Variants in KIF17 observed in about 807,000 individuals in gnomAD.
KIF17 encodes kinesin family member 17, also known as kinesin-like protein KIF17.
KIF17 carries 80 observed loss-of-function variants against 96.8 expected under a neutral mutation model. The ratio of observed to expected loss-of-function variants is 0.83; its 90% CI spans 0.69 to 1.00. The LOEUF is 1.00. KIF17 is among the 50% of genes least tolerant of loss of function. The pLI is 0.00. For synonymous variants in KIF17, 567 were observed against 587.5 expected, an observed-to-expected ratio of 0.97 and a Z score of 0.51; for missense variants, 1,280 against 1,372.9, an observed-to-expected ratio of 0.93 and a Z score of 1.07.
intron 3 of KIF17, 116 bp downstream of exon 3, chr1:20,713,338 C>G: frequency 1.4e-6 from 1 of 701,498 alleles, no homozygotes. Flanking sequence ...AAAGTCCCGA[C>G]TCTAGCCTCC....
At chr1:20,670,375 G>A (rs1353542980) in intron 13 of KIF17, 46 bp downstream of exon 13, 1 of 1,571,074 alleles carries the variant, frequency 6.4e-7, no homozygotes, top group Admixed American at 1.7e-5. Context: ...TGGGGGCAAA[G>A]CCCTCCCAGC....
At chr1:20,702,514 A>G (rs1329060795) in intron 5 of KIF17, among the ~76,000 whole-genome samples, 1 of 151,560 alleles carries the variant, frequency 6.6e-6, no homozygotes, top group Middle Eastern at 3.3e-3. Context: ...GGGAAAGAGG[A>G]GGAAGGCAGA....
chr1:20,697,211 A>C (rs2054157954), intron 6 of KIF17, among the ~76,000 whole-genome samples: 1 of 152,200 alleles, frequency 6.6e-6, no homozygotes, highest in South Asian at 2.1e-4. Flanking sequence ...GGGAGGTGGT[A>C]GGTGAGTGGC....
At chr1:20,669,082 A>G (rs2053585942) in intron 13 of KIF17, among the ~76,000 whole-genome samples, 1 of 151,910 alleles carries the variant, frequency 6.6e-6, no homozygotes, top group Non-Finnish European at 1.5e-5. Flanking sequence ...AACAACTTTC[A>G]TATCATTGTT....
Position 20,704,989 on chromosome 1 carries a change from C to A in KIF17, c.671-90G>T, listed in dbSNP as rs551603737. 3.0e-5 allele frequency: 36 copies of A among 1,185,112 alleles called. No individual in the cohort carries two copies. In the South Asian group the frequency reaches 3.9e-4, roughly 13 times the overall value. 73.4% of individuals were successfully genotyped at this position (1,185,112 alleles called of 1,614,324 possible). ...TGCCAGGCACTGGGTGCTCAATGCC[C>A]ACCCACCGAGGGTTCCCCTCAGCTG... On this transcript the variant is annotated intron_variant, in intron 4 of 14. Transcript: ENST00000400463. The surrounding 1 kb of genome is among the most constrained non-coding windows in gnomAD (Gnocchi z 6.8).
intron 11 of KIF17, among the ~76,000 whole-genome samples, chr1:20,679,004 A>G (rs2154535507): frequency 6.7e-6 from 1 of 148,496 alleles, no homozygotes; most frequent in East Asian, 1.9e-4. Context: ...TCCTTGGCAA[A>G]AAAAAAAAAA....
chr1:20,666,166 C>T, intron 14 of KIF17, 48 bp downstream of exon 14: 2 of 1,384,350 alleles, frequency 1.4e-6, no homozygotes, highest in Non-Finnish European at 2.1e-6. Flanking sequence ...CCCCTTCACG[C>T]CTCTCCCAGT....
chr1:20,696,421 C>A (rs2054140141), intron 6 of KIF17, among the ~76,000 whole-genome samples: 1 of 152,210 alleles, frequency 6.6e-6, no homozygotes, highest in Non-Finnish European at 1.5e-5. Flanking sequence ...CAGAAGAAAC[C>A]TCAGGGTTTC....
chr1:20,663,022 G>C (rs1488214669), downstream of KIF17, among the ~76,000 whole-genome samples: 1 of 152,084 alleles, frequency 6.6e-6, no homozygotes, highest in African/African-American at 2.4e-5. Flanking sequence ...GAGGTCAGGA[G>C]TTCGTGACCA....
intron 11 of KIF17, among the ~76,000 whole-genome samples, chr1:20,675,059 G>C (rs2053713371): frequency 6.6e-6 from 1 of 151,718 alleles, no homozygotes; most frequent in Non-Finnish European, 1.5e-5. Flanking sequence ...GCTGAGACAG[G>C]AGAATTGCTT....
rs75925314 is a variant in KIF17, at chr1:20,687,760, C to G, written c.1566G>C (p.Ala522=). ...VSKTQVSSRF[A]ELPKVEPSKS... Reference sequence around the variant, plus strand: ...TGGAGGGTTCCACCTTGGGCAGCTCCGCAAACCTGGAGGAAACCTGAGTCT... The same window carrying G: ...TGGAGGGTTCCACCTTGGGCAGCTCGGCAAACCTGGAGGAAACCTGAGTCT... Residue 522 remains alanine, a synonymous_variant, in exon 8 of 15, where the codon GCG becomes GCC. Transcript: ENST00000400463. This position sits in a 1 kb window ranked among gnomAD's most constrained non-coding sequence, Gnocchi z 4.4. The G allele has an allele frequency of 6.2e-7, 1 of 1,614,054 alleles. No homozygotes were observed. Among genetic ancestry groups the G allele is most frequent in the African/African-American group, 1.3e-5 (1 of 74,920 alleles).
chr1:20,690,687 A>T (rs1309754191), intron 6 of KIF17, among the ~76,000 whole-genome samples: 1 of 149,066 alleles, frequency 6.7e-6, no homozygotes, highest in Non-Finnish European at 1.5e-5. Context: ...TCAGCAAAAA[A>T]AAATTTTTTT....
chr1:20,688,891 G>C (rs1044063860), intron 7 of KIF17, among the ~76,000 whole-genome samples: 1 of 152,186 alleles, frequency 6.6e-6, no homozygotes, highest in African/African-American at 2.4e-5. Flanking sequence ...CGTCTCCCTT[G>C]CAGCGGAGAC....
Position 20,717,796 on chromosome 1 carries a change from C to G in KIF17, c.-90G>C. The G allele has an allele frequency of 7.5e-7, 1 of 1,338,802 alleles. No individual in the cohort carries two copies. Among genetic ancestry groups the G allele is most frequent in the Non-Finnish European group, 9.5e-7 (1 of 1,048,742 alleles). The allele number at this position is 1,338,802 out of a possible 1,614,324, so 82.9% of individuals were successfully genotyped here. ...CCGGGCCAAGGGGCGGGGCCAGCGC[C>G]GGCCACGGGGGGCGGGGCCTTGAGG... On this transcript the variant is annotated 5_prime_UTR_variant, in exon 1 of 15. Coordinates refer to ENST00000400463, the MANE Select transcript of KIF17 (RefSeq NM_001122819.3).
rs758122496 is a variant in KIF17, at chr1:20,704,596, G to A, written c.974C>T (p.Thr325Met). 1.2e-5 allele frequency: 20 copies of A among 1,614,054 alleles called. No homozygotes were observed. Among genetic ancestry groups the A allele is most frequent in the Middle Eastern group, 1.6e-4 (1 of 6,084 alleles). The change falls in exon 5 of 15, where the codon ACG becomes ATG. Residue 325 changes from threonine (T) to methionine (M), a missense_variant. Thr to Met is a moderately conservative substitution (Grantham distance 81, BLOSUM62 -1). Coordinates refer to ENST00000400463, the MANE Select transcript of KIF17 (RefSeq NM_001122819.3). The surrounding 1 kb of genome is among the most constrained non-coding windows in gnomAD (Gnocchi z 6.8). The part of the protein sequence containing the change: ...ADNNYDETLS[T>M]LRYANRAKNI... The stretch of plus-strand genomic sequence containing the variant: ...CTTGGCCCGGTTGGCGTAGCGCAGC[G>A]TGCTGAGTGTCTCATCGTAGTTGTT...
At chr1:20,689,239 A>G (rs1018036393) in intron 7 of KIF17, among the ~76,000 whole-genome samples, 4 of 152,180 alleles carry the variant, frequency 2.6e-5, no homozygotes, top group African/African-American at 9.7e-5. Context: ...CAGTATCATC[A>G]TCATTCCAGG....
chr1:20,716,304 C>A (rs2054577426), intron 1 of KIF17, among the ~76,000 whole-genome samples: 1 of 151,864 alleles, frequency 6.6e-6, no homozygotes, highest in South Asian at 2.1e-4. Flanking sequence ...GGGGCTCTCA[C>A]AGGGTGCATA....
In KIF17 at chr1:20,709,554, C is replaced by G. The variant is rs2054399689; in HGVS notation, c.670+85G>C. Reference sequence around the variant, plus strand: ...ATCTCTTCCCACTTTCCAGGGGCTCCTGCGGCCCCGAGAGGTGGCGTGCCT... The same window carrying G: ...ATCTCTTCCCACTTTCCAGGGGCTCGTGCGGCCCCGAGAGGTGGCGTGCCT... On this transcript the variant is annotated intron_variant, in intron 4 of 14. Coordinates refer to ENST00000400463, the MANE Select transcript of KIF17 (RefSeq NM_001122819.3). This position sits in a 1 kb window ranked among gnomAD's most constrained non-coding sequence, Gnocchi z 4.7. 1 of 1,488,784 alleles carries G rather than the reference C, an allele frequency of 6.7e-7. No individual in the cohort carries two copies. Among genetic ancestry groups the G allele is most frequent in the Admixed American group, 1.7e-5 (1 of 59,380 alleles). 92.2% of individuals were successfully genotyped at this position (1,488,784 alleles called of 1,614,324 possible).
chr1:20,686,455 G>C (rs758000317), intron 8 of KIF17: 33 of 458,030 alleles, frequency 7.2e-5, no homozygotes, highest in Admixed American at 3.8e-4. Context: ...GGTAGACCTG[G>C]GATCTCTCTC....
Sources: allele counts gnomAD v4.1 joint callset (sites outside exome capture counted in the v4.1 genomes callset), GRCh38; gene constraint gnomAD v4.1.1; non-coding constraint Gnocchi (gnomAD v3.1); transcripts MANE v1.5; gene names NCBI Gene and HGNC (gene_info 2026-07-23, HGNC 2026-07-21).